NELL1: variants seen among roughly 807,000 people sequenced by gnomAD.
The protein encoded by NELL1 is protein kinase C-binding protein NELL1.
In NELL1, 76 loss-of-function variants were observed where a neutral mutation model predicts 107.4. The observed-to-expected ratio is 0.71, with a 90% CI of 0.59 to 0.86. The LOEUF (loss-of-function observed/expected upper bound fraction) is 0.86, where lower values mean the gene tolerates loss of function less well. Ranked by LOEUF, NELL1 falls within the 40% of genes least tolerant of loss-of-function variation. The pLI is 0.00. For missense variants in NELL1, 1,024 were observed against 1,005.5 expected, an observed-to-expected ratio of 1.02 and a Z score of -0.25; for synonymous variants, 353 against 341.2, an observed-to-expected ratio of 1.03 and a Z score of -0.38.
chr11:21,309,260 G>GTATATATATATATATA lies in NELL1; in HGVS notation c.1550-61589_1550-61574dup, dbSNP rs35920508. On this transcript the variant is annotated intron_variant, in intron 14 of 19. Coordinates refer to ENST00000357134, the MANE Select transcript of NELL1 (RefSeq NM_006157.5). ...AAAAACCCACTCTAAATATATATATGTATATATATATATATATATGTATAT... is the reference window on the plus strand; with the variant it reads ...AAAAACCCACTCTAAATATATATATGTATATATATATATATATATATATATATATATATATGTATAT... Among the ~76,000 whole-genome samples the GTATATATATATATATA allele has an allele frequency of 4.0e-5, 4 of 99,658 alleles. No individual in the cohort carries two copies. In the East Asian group the frequency reaches 1.5e-3, roughly 37 times the overall value. The allele number at this position is 99,658 out of a possible 152,430, so 65.4% of individuals were successfully genotyped here.
chr11:21,276,129 C>T (rs1848851483), intron 14 of NELL1, among the ~76,000 whole-genome samples: 1 of 152,180 alleles, frequency 6.6e-6, no homozygotes, highest in Non-Finnish European at 1.5e-5. Context: ...TTGCAGATGA[C>T]ATGATTGTAT....
intron 5 of NELL1, among the ~76,000 whole-genome samples, chr11:20,891,397 A>G (rs1849614454): frequency 6.6e-6 from 1 of 152,224 alleles, no homozygotes; most frequent in African/African-American, 2.4e-5. Flanking sequence ...GGTACCAGCC[A>G]CTGCAAAAAC....
intron 4 of NELL1, among the ~76,000 whole-genome samples, chr11:20,872,545 G>T (rs1564943965): frequency 1.3e-5 from 2 of 152,038 alleles, no homozygotes; most frequent in Admixed American, 1.3e-4. Context: ...AGCTTATGAG[G>T]CTATCCTACT....
chr11:20,693,447 G>T lies in NELL1; in HGVS notation c.184+15387G>T, dbSNP rs143580197. Among the ~76,000 whole-genome samples the T allele has an allele frequency of 5.0e-3, 767 of 152,140 alleles. 7 individuals carry two copies. Among genetic ancestry groups the T allele is most frequent in the African/African-American group, 0.018 (739 of 41,504 alleles). On this transcript the variant is annotated intron_variant, in intron 2 of 19. Coordinates refer to ENST00000357134, the MANE Select transcript of NELL1 (RefSeq NM_006157.5). Reference sequence around the variant, plus strand: ...TACCGGTTGTGCCTTTCCACATTTAGTGCTTCCTTCAGGAGCTCTTTTAGG... The same window carrying T: ...TACCGGTTGTGCCTTTCCACATTTATTGCTTCCTTCAGGAGCTCTTTTAGG...
chr11:20,821,961 T>C lies in NELL1; in HGVS notation c.336-25622T>C, dbSNP rs114974603. ...CTAGTTCCCACTGGGTAGGCAGTAG[T>C]ACTACGTCCAGTTCTTTTCCATTTT... On this transcript the variant is annotated intron_variant, in intron 3 of 19. Coordinates refer to ENST00000357134, the MANE Select transcript of NELL1 (RefSeq NM_006157.5). Among the ~76,000 whole-genome samples the C allele has an allele frequency of 3.5e-3, 537 of 152,346 alleles. 1 individual carries two copies. Among genetic ancestry groups the C allele is most frequent in the African/African-American group, 0.013 (521 of 41,574 alleles).
intron 14 of NELL1, among the ~76,000 whole-genome samples, chr11:21,309,280 G>A (rs201849907): frequency 0.014 from 1,488 of 108,542 alleles, 45 homozygotes; most frequent in Admixed American, 0.025. Context: ...ATATATATAT[G>A]TATATATATA....
chr11:20,973,287 T>C (rs1851538305), intron 12 of NELL1, among the ~76,000 whole-genome samples: 1 of 152,146 alleles, frequency 6.6e-6, no homozygotes, highest in South Asian at 2.1e-4. Flanking sequence ...TTTGTATTTT[T>C]AGAAGAGATG....
intron 13 of NELL1, among the ~76,000 whole-genome samples, chr11:21,115,433 A>G (rs1452767040): frequency 6.6e-6 from 1 of 152,012 alleles, no homozygotes; most frequent in Non-Finnish European, 1.5e-5. Context: ...AGAACAAAAG[A>G]GAGAAAGAAA....
intron 13 of NELL1, among the ~76,000 whole-genome samples, chr11:21,152,864 T>C (rs1168721570): frequency 6.6e-6 from 1 of 152,196 alleles, no homozygotes; most frequent in Non-Finnish European, 1.5e-5. Flanking sequence ...AATTATATCC[T>C]GAATGATTTC....
chr11:21,403,108 G>T (rs1590903597), intron 15 of NELL1, among the ~76,000 whole-genome samples: 1 of 151,734 alleles, frequency 6.6e-6, no homozygotes, highest in Non-Finnish European at 1.5e-5. Flanking sequence ...TGTTTTGAAT[G>T]TACAGGAAAA....
intron 3 of NELL1, among the ~76,000 whole-genome samples, chr11:20,795,671 A>G (rs949830812): frequency 2.6e-5 from 4 of 152,192 alleles, no homozygotes; most frequent in Non-Finnish European, 5.9e-5. Context: ...ATTAAGTTGA[A>G]GCACAATTAG....
intron 12 of NELL1, among the ~76,000 whole-genome samples, chr11:21,004,676 G>A (rs1283110362): frequency 1.3e-5 from 2 of 152,064 alleles, no homozygotes; most frequent in East Asian, 3.9e-4. Context: ...ATACATTAAT[G>A]TATAGTGCTA....
At chr11:20,675,623 C>T (rs1854035738) in intron 1 of NELL1, among the ~76,000 whole-genome samples, 1 of 152,168 alleles carries the variant, frequency 6.6e-6, no homozygotes, top group Admixed American at 6.5e-5. Context: ...TTGGAGGTCC[C>T]CTGAAATTTA....
At chr11:21,510,503 A>G (rs11026117) in intron 15 of NELL1, among the ~76,000 whole-genome samples, 44,445 of 152,000 alleles carry the variant, frequency 0.29, 7,122 homozygotes, top group East Asian at 0.59. Context: ...TGAAAAATAA[A>G]CATTTGTTGA....
At chr11:21,176,247 T>C (rs1043057333) in intron 13 of NELL1, among the ~76,000 whole-genome samples, 8 of 151,902 alleles carry the variant, frequency 5.3e-5, no homozygotes, top group African/African-American at 1.9e-4. Context: ...CTGCTCAAAA[T>C]ACCAAGAACC....
At position 20,988,683 on chromosome 11, in the gene NELL1, C is replaced by T. The variant is rs369529028; in HGVS notation, c.1300+28123C>T. On this transcript the variant is annotated intron_variant, in intron 12 of 19. Transcript: ENST00000357134. ...TTGACTCACTGCAAGCTCCGCCTCC[C>T]GGGTTCACGCCATTCTCCTGCCTCA... 8.5e-3 allele frequency among the ~76,000 whole-genome samples: 1,285 copies of T among 151,784 alleles called. 18 individuals carry two copies. The highest frequency in any genetic ancestry group is 0.03 in the African/African-American group (1,245 of 41,388).
At chr11:21,536,810 A>T (rs1856151021) in intron 16 of NELL1, among the ~76,000 whole-genome samples, 1 of 152,198 alleles carries the variant, frequency 6.6e-6, no homozygotes, top group South Asian at 2.1e-4. Flanking sequence ...ATGTAGGAAT[A>T]GTTTCAGTTT....
intron 15 of NELL1, among the ~76,000 whole-genome samples, chr11:21,377,325 C>T (rs997462012): frequency 8.6e-5 from 13 of 151,998 alleles, no homozygotes; most frequent in Non-Finnish European, 1.8e-4. Flanking sequence ...ATTTTTAATT[C>T]TGTTTATGTA....
At chr11:21,155,383 T>C (rs1311437480) in intron 13 of NELL1, among the ~76,000 whole-genome samples, 1 of 152,152 alleles carries the variant, frequency 6.6e-6, no homozygotes, top group African/African-American at 2.4e-5. Context: ...GTTGTGAAGA[T>C]AAGAGTGTCA....
Sources: gnomAD v4.1 joint callset for allele counts (sites outside exome capture counted in the v4.1 genomes callset) on GRCh38, gnomAD v4.1.1 for gene constraint, MANE v1.5 for transcripts, NCBI Gene and HGNC (gene_info 2026-07-23, HGNC 2026-07-21) for gene names.